ARFGEF1: variants seen among roughly 807,000 people sequenced by gnomAD.
The protein encoded by ARFGEF1 is brefeldin A-inhibited guanine nucleotide-exchange protein 1.
ARFGEF1 carries 42 observed loss-of-function variants against 231.0 expected under a neutral mutation model. The ratio of observed to expected loss-of-function variants is 0.18; its 90% CI spans 0.14 to 0.24. The LOEUF (loss-of-function observed/expected upper bound fraction) is 0.24, where lower values mean the gene tolerates loss of function less well. ARFGEF1 is among the 10% of genes least tolerant of loss of function. ARFGEF1 has a pLI of 1.00. For synonymous variants in ARFGEF1, 710 were observed against 732.3 expected (o/e 0.97, Z 0.49); for missense variants, 1,345 against 2,192.0 (o/e 0.61, Z 7.72).
In ARFGEF1 at chr8:67,228,358, G is replaced by T. The variant is rs1257033575; in HGVS notation, c.3381-94C>A. ...GGCATGGGGTACTAGCTATTTTTATGTTTTAAGGGAACAAAAAATTGGGTA... is the reference window on the plus strand; with the variant it reads ...GGCATGGGGTACTAGCTATTTTTATTTTTTAAGGGAACAAAAAATTGGGTA... On this transcript the variant is annotated intron_variant, in intron 23 of 38. Coordinates refer to ENST00000262215, the MANE Select transcript of ARFGEF1 (RefSeq NM_006421.5). The T allele has an allele frequency of 5.7e-6, 7 of 1,219,908 alleles. No homozygotes were observed. In the East Asian group the frequency reaches 1.4e-4, roughly 25 times the overall value. 75.6% of individuals were successfully genotyped at this position (1,219,908 alleles called of 1,614,324 possible).
At chr8:67,186,970 CATCTATCTATCTATCTATCTATCT>C (rs59504632) in intron 5 of ARFGEF1, among the ~76,000 whole-genome samples, 64 of 149,870 alleles carry the variant, frequency 4.3e-4, no homozygotes, top group African/African-American at 1.5e-3. Context: ...ATCTATCTAT[CATCTATCTATCTATCTATCTATCT>C]ATCTATCTAT....
rs1175777270 is a variant in ARFGEF1, at chr8:67,341,024, G to A, written c.124+2140C>T. 7.9e-5 allele frequency among the ~76,000 whole-genome samples: 12 copies of A among 152,172 alleles called. 1 individual carries two copies. Among genetic ancestry groups the A allele is most frequent in the Admixed American group, 7.9e-4 (12 of 15,266 alleles). The stretch of plus-strand genomic sequence containing the variant: ...ACATTTATGGCACATTAGAGGAGAT[G>A]TGACCATACAATCATTAAGTTCAAT... On this transcript the variant is annotated intron_variant, in intron 1 of 38. Coordinates refer to ENST00000262215, the MANE Select transcript of ARFGEF1 (RefSeq NM_006421.5).
At chr8:67,334,019 C>G (rs1327334824) in intron 1 of ARFGEF1, among the ~76,000 whole-genome samples, 1 of 151,714 alleles carries the variant, frequency 6.6e-6, no homozygotes, top group African/African-American at 2.4e-5. Flanking sequence ...GCCTGTAATC[C>G]CAGCTACTTG....
chr8:67,279,832 T>G (rs1157266352), intron 7 of ARFGEF1, among the ~76,000 whole-genome samples: 2 of 152,168 alleles, frequency 1.3e-5, no homozygotes, highest in African/African-American at 4.8e-5. Flanking sequence ...ATAAAATCAT[T>G]TGAGATATAC....
At position 67,198,656 on chromosome 8, in the gene ARFGEF1, G is replaced by T; in HGVS notation, c.*278C>A. ...CTTCCACACCTGCCAAAAACGTGGGGCTTTTCCTGCCGTGGAAGACAGGGA... is the reference window on the plus strand; with the variant it reads ...CTTCCACACCTGCCAAAAACGTGGGTCTTTTCCTGCCGTGGAAGACAGGGA... On this transcript the variant is annotated 3_prime_UTR_variant, in exon 39 of 39. Coordinates refer to ENST00000262215, the MANE Select transcript of ARFGEF1 (RefSeq NM_006421.5). 2 of 1,137,726 alleles carry T rather than the reference G, an allele frequency of 1.8e-6. No individual in the cohort carries two copies. The highest frequency in any genetic ancestry group is 1.1e-6 in the Non-Finnish European group (1 of 927,148). 70.5% of individuals were successfully genotyped at this position (1,137,726 alleles called of 1,614,324 possible). A position where few individuals can be genotyped will look rare whatever the true frequency, so the allele number is the denominator to read the frequency against.
intron 9 of ARFGEF1, among the ~76,000 whole-genome samples, chr8:67,275,306 T>C (rs555163771): frequency 5.3e-5 from 8 of 152,162 alleles, no homozygotes; most frequent in African/African-American, 1.7e-4. Flanking sequence ...ATTAGTTACA[T>C]TTGAATCACG....
intron 5 of ARFGEF1, among the ~76,000 whole-genome samples, chr8:67,180,921 T>TA (rs1586798907): frequency 6.6e-6 from 1 of 152,284 alleles, no homozygotes; most frequent in East Asian, 1.9e-4. Context: ...TCTGCTATCC[T>TA]AGGGCCATCA....
chr8:67,324,630 C>T (rs569417098), intron 1 of ARFGEF1, among the ~76,000 whole-genome samples: 1 of 152,272 alleles, frequency 6.6e-6, no homozygotes, highest in South Asian at 2.1e-4. Flanking sequence ...ACCATAGCGC[C>T]TATTTATCAA....
intron 1 of ARFGEF1, among the ~76,000 whole-genome samples, chr8:67,341,931 T>G (rs967358048): frequency 4.6e-5 from 7 of 152,114 alleles, no homozygotes; most frequent in Admixed American, 3.9e-4. Context: ...TTCTTCGACG[T>G]TTTTCATATT....
chr8:67,192,526 C>G (rs955676939), intron 5 of ARFGEF1, among the ~76,000 whole-genome samples: 1 of 152,122 alleles, frequency 6.6e-6, no homozygotes, highest in African/African-American at 2.4e-5. Flanking sequence ...CTTTGAAGCA[C>G]AGAAGTTTTT....
chr8:67,311,317 T>C (rs1324646094), intron 1 of ARFGEF1, among the ~76,000 whole-genome samples: 7 of 91,372 alleles, frequency 7.7e-5, no homozygotes, highest in African/African-American at 1.8e-4. Context: ...CCCGGCCAGC[T>C]GCCCCATCCA....
At chr8:67,214,869 A>G (rs1226289626) in intron 33 of ARFGEF1, among the ~76,000 whole-genome samples, 1 of 152,224 alleles carries the variant, frequency 6.6e-6, no homozygotes, top group African/African-American at 2.4e-5. Context: ...ACAGAGCTAC[A>G]AACGTGCTAA....
At chr8:67,258,412 GC>G in intron 15 of ARFGEF1, 122 bp from the exon 16 acceptor site, 1 of 660,750 alleles carries the variant, frequency 1.5e-6, no homozygotes, top group Non-Finnish European at 2.5e-6. Context: ...TGCAACCTCT[GC>G]CCCCAGGTTC....
At chr8:67,190,646 T>A in intron 5 of ARFGEF1, 1 of 1,612,576 alleles carries the variant, frequency 6.2e-7, no homozygotes, top group Non-Finnish European at 8.5e-7. Flanking sequence ...CGGGGTCCTC[T>A]TAGGGGCTTA....
chr8:67,288,094 ATT>A (rs1805836525), intron 6 of ARFGEF1, 29 bp from the exon 7 acceptor site: 2 of 1,477,350 alleles, frequency 1.4e-6, no homozygotes, highest in Non-Finnish European at 1.8e-6. Flanking sequence ...TCAACAGAAC[ATT>A]ATTTTAACTT....
At chr8:67,194,619 T>TCAAA (rs1837371530), downstream of ARFGEF1, among the ~76,000 whole-genome samples, 1 of 152,038 alleles carries the variant, frequency 6.6e-6, no homozygotes, top group Non-Finnish European at 1.5e-5. Context: ...CATTGTCCTT[T>TCAAA]CAAACAGGAG....
chr8:67,239,241 C>T (rs567997365), intron 20 of ARFGEF1, among the ~76,000 whole-genome samples: 5 of 152,074 alleles, frequency 3.3e-5, no homozygotes, highest in East Asian at 1.9e-4. Flanking sequence ...CTCCTGATCT[C>T]GTGATCTGCC....
intron 1 of ARFGEF1, among the ~76,000 whole-genome samples, chr8:67,318,486 G>T (rs1483493511): frequency 6.6e-6 from 1 of 151,960 alleles, no homozygotes; most frequent in Non-Finnish European, 1.5e-5. Context: ...GTAAATAAAG[G>T]TATATAGGTT....
chr8:67,238,784 A>G lies in ARFGEF1; in HGVS notation c.3089T>C (p.Ile1030Thr), dbSNP rs749822900. The G allele has an allele frequency of 6.2e-7, 1 of 1,613,866 alleles. No individual in the cohort carries two copies. The highest frequency in any genetic ancestry group is 8.5e-7 in the Non-Finnish European group (1 of 1,179,870). ...QKNIDTIKTLITVAHTDGNYL... is the reference protein window; with the variant it reads ...QKNIDTIKTLTTVAHTDGNYL... ...ATTTCCATCTGTATGAGCCACTGTG[A>G]TAAGTGTTTTTATTGTGTCAATGTT... The change falls in exon 21 of 39, where the codon ATC becomes ACC. Residue 1030 changes from isoleucine (I) to threonine (T), a missense_variant. Ile to Thr is a moderately conservative substitution (Grantham distance 89). Around this residue, in one of 14 missense-constraint regions of ARFGEF1, gnomAD observed 146 missense variants for 321.4 expected, o/e 0.45. Coordinates refer to ENST00000262215, the MANE Select transcript of ARFGEF1 (RefSeq NM_006421.5).
Sources: allele counts gnomAD v4.1 joint callset (sites outside exome capture counted in the v4.1 genomes callset), GRCh38; gene constraint gnomAD v4.1.1; regional missense constraint gnomAD v4.1.1; transcripts MANE v1.5; gene names NCBI Gene and HGNC (gene_info 2026-07-23, HGNC 2026-07-21).